Variants in VRK2 observed in about 807,000 individuals in gnomAD.
The protein encoded by VRK2 is VRK serine/threonine kinase 2.
Under a neutral mutation model 57.6 loss-of-function variants are expected in VRK2, and 60 were observed. The ratio of observed to expected loss-of-function variants is 1.04; its 90% CI spans 0.85 to 1.29. VRK2 has a LOEUF of 1.29. Among genes scored for constraint, VRK2 ranks in the 50% most tolerant of loss-of-function variants. The pLI, the probability that VRK2 is intolerant of heterozygous loss-of-function variation, is 0.00. For missense variants in VRK2, 705 were observed against 588.1 expected, an observed-to-expected ratio of 1.20 and a Z score of -2.06; for synonymous variants, 231 against 199.2, an observed-to-expected ratio of 1.16 and a Z score of -1.35.
chr2:58,144,452 A>G, intron 11 of VRK2, among the ~76,000 whole-genome samples: 1 of 152,032 alleles, frequency 6.6e-6, no homozygotes, highest in Non-Finnish European at 1.5e-5. Context: ...TGATTGTTGT[A>G]TTCATTTTGC....
At chr2:58,007,706 T>C (rs1673291181) in intron 1 of VRK2, among the ~76,000 whole-genome samples, 1 of 152,120 alleles carries the variant, frequency 6.6e-6, no homozygotes, top group South Asian at 2.1e-4. Context: ...AAGTCAAAAG[T>C]TATACACAGA....
intron 2 of VRK2, among the ~76,000 whole-genome samples, chr2:58,076,768 TG>T (rs1670177436): frequency 6.6e-6 from 1 of 151,998 alleles, no homozygotes; most frequent in Non-Finnish European, 1.5e-5. Flanking sequence ...CGCACAATTT[TG>T]TAAGAGGATT....
At chr2:58,052,389 G>T (rs757124586) in intron 2 of VRK2, among the ~76,000 whole-genome samples, 4 of 152,076 alleles carry the variant, frequency 2.6e-5, no homozygotes, top group Non-Finnish European at 5.9e-5. Flanking sequence ...CAGGCGGGTG[G>T]ATTGCCTGAG....
rs1681841290 is a variant in VRK2 at position 58,144,606 on chromosome 2, TAGGATAAAAC to T, written c.1024-1707_1024-1698del. Among the ~76,000 whole-genome samples, 2 of 152,012 alleles carry T rather than the reference TAGGATAAAAC, an allele frequency of 1.3e-5. 1 individual carries two copies. The highest frequency in any genetic ancestry group is 4.1e-4 in the South Asian group (2 of 4,826). On this transcript the variant is annotated intron_variant, in intron 11 of 12. Coordinates refer to ENST00000340157, the MANE Select transcript of VRK2 (RefSeq NM_006296.7). The stretch of plus-strand genomic sequence containing the variant: ...AAGAATTGGTAAGCCAATGTTTTAA[TAGGATAAAAC>T]AGTACGCAAGAACCATGGGAGACCC...
At chr2:57,951,864 C>T (rs1671436832) in intron 1 of VRK2, among the ~76,000 whole-genome samples, 1 of 151,742 alleles carries the variant, frequency 6.6e-6, no homozygotes, top group Non-Finnish European at 1.5e-5. Flanking sequence ...CCACATCAGC[C>T]TCCTGAGTAG....
chr2:57,922,110 T>C (rs1670369587), intron 1 of VRK2, among the ~76,000 whole-genome samples: 1 of 151,998 alleles, frequency 6.6e-6, no homozygotes, highest in Non-Finnish European at 1.5e-5. Context: ...TAAGGCTACT[T>C]GTGTTTGAGG....
At position 58,008,927 on chromosome 2, in the gene VRK2, A is replaced by G. The variant is rs1009902830; in HGVS notation, c.-438-16738A>G. On this transcript the variant is annotated intron_variant, in intron 1 of 15. Transcript: ENST00000417641. Reference sequence around the variant, plus strand: ...TGATGAATGTTGCCCTCTGCTTTCCAGATGGCACCTTGTTGCTGCATCCCA... The same window carrying G: ...TGATGAATGTTGCCCTCTGCTTTCCGGATGGCACCTTGTTGCTGCATCCCA... 2.0e-5 allele frequency among the ~76,000 whole-genome samples: 3 copies of G among 152,276 alleles called. No homozygotes were observed. In the East Asian group the frequency reaches 5.8e-4, roughly 29 times the overall value.
intron 1 of VRK2, among the ~76,000 whole-genome samples, chr2:57,909,480 T>G (rs377378012): frequency 2.8e-4 from 39 of 141,106 alleles, no homozygotes; most frequent in African/African-American, 4.4e-4. Context: ...GTGTGTGTTT[T>G]TTTTTTAGTT....
At chr2:57,996,183 A>G (rs1342704680) in intron 1 of VRK2, among the ~76,000 whole-genome samples, 1 of 152,206 alleles carries the variant, frequency 6.6e-6, no homozygotes, top group Non-Finnish European at 1.5e-5. Flanking sequence ...TTGGGGGATA[A>G]GGAGACAGAG....
At chr2:58,057,892 C>T (rs1676765899) in intron 2 of VRK2, among the ~76,000 whole-genome samples, 1 of 151,864 alleles carries the variant, frequency 6.6e-6, no homozygotes, top group Admixed American at 6.6e-5. Context: ...GACAGCAGTG[C>T]TGCAAAGGAG....
chr2:58,045,668 G>C (rs1280953763), upstream of VRK2, among the ~76,000 whole-genome samples: 1 of 152,108 alleles, frequency 6.6e-6, no homozygotes, highest in Non-Finnish European at 1.5e-5. Flanking sequence ...CAGTCTGAAA[G>C]ATGTAGGGAG....
chr2:58,073,648 A>G (rs902291808), intron 2 of VRK2, among the ~76,000 whole-genome samples: 1 of 142,234 alleles, frequency 7.0e-6, no homozygotes, highest in Non-Finnish European at 1.5e-5. Flanking sequence ...ATATATATAT[A>G]TATATTTATA....
intron 11 of VRK2, among the ~76,000 whole-genome samples, chr2:58,144,000 CATATATACATATACACATAT>C (rs1010581899): frequency 2.7e-4 from 41 of 151,094 alleles, no homozygotes; most frequent in Non-Finnish European, 4.4e-4. Flanking sequence ...TATACACATA[CATATATACATATACACATAT>C]ATATATACAT....
At chr2:57,923,443 C>G (rs750448685) in intron 1 of VRK2, among the ~76,000 whole-genome samples, 7 of 151,478 alleles carry the variant, frequency 4.6e-5, no homozygotes, top group Non-Finnish European at 7.4e-5. Context: ...GAGATGATAA[C>G]TCTTTGTAGC....
chr2:57,979,431 G>C (rs1158063896), intron 1 of VRK2, among the ~76,000 whole-genome samples: 3 of 151,074 alleles, frequency 2.0e-5, no homozygotes, highest in Admixed American at 6.6e-5. Context: ...TGTGCTGCTA[G>C]GTTCAATTTG....
chr2:58,010,372 A>T (rs912398752), intron 1 of VRK2, among the ~76,000 whole-genome samples: 2 of 152,066 alleles, frequency 1.3e-5, no homozygotes, highest in Non-Finnish European at 2.9e-5. Context: ...AAAATGCTGC[A>T]TGAAAAAAAT....
At chr2:58,059,367 A>G (rs561741044) in intron 2 of VRK2, among the ~76,000 whole-genome samples, 1 of 152,128 alleles carries the variant, frequency 6.6e-6, no homozygotes, top group Admixed American at 6.6e-5. Context: ...CAACAGGAAG[A>G]TCTAAATAGA....
At chr2:58,123,902 T>C (rs924922465) in intron 8 of VRK2, among the ~76,000 whole-genome samples, 26 of 152,054 alleles carry the variant, frequency 1.7e-4, no homozygotes, top group African/African-American at 6.0e-4. Flanking sequence ...TGTTTTTCCA[T>C]TGTACCTTTA....
intron 1 of VRK2, among the ~76,000 whole-genome samples, chr2:57,926,047 C>T (rs528148510): frequency 6.6e-6 from 1 of 151,990 alleles, no homozygotes; most frequent in South Asian, 2.1e-4. Context: ...AATACAATTT[C>T]TCTTGATACT....
Sources: gnomAD v4.1 joint callset for allele counts (sites outside exome capture counted in the v4.1 genomes callset) on GRCh38, gnomAD v4.1.1 for gene constraint, MANE v1.5 for transcripts, NCBI Gene and HGNC (gene_info 2026-07-23, HGNC 2026-07-21) for gene names.